Variants in CELSR1 observed in about 807,000 individuals in gnomAD.
CELSR1 encodes cadherin EGF LAG seven-pass G-type receptor 1, also known as adhesion G protein-coupled receptor C1.
Under a neutral mutation model 249.1 loss-of-function variants are expected in CELSR1, and 110 were observed. The observed-to-expected ratio is 0.44, with a 90% CI of 0.38 to 0.52. The LOEUF is 0.52. Among genes scored for constraint, CELSR1 ranks in the 20% least tolerant of loss-of-function variants. The pLI, the probability that CELSR1 is intolerant of heterozygous loss-of-function variation, is 0.00. For synonymous variants in CELSR1, 2,113 were observed against 1,900.0 expected, an observed-to-expected ratio of 1.11 and a Z score of -2.92; for missense variants, 4,109 against 4,296.4, an observed-to-expected ratio of 0.96 and a Z score of 1.22.
In CELSR1 at chr22:46,427,058, G is replaced by A. The variant is rs939693023; in HGVS notation, c.4611+6335C>T. Among the ~76,000 whole-genome samples, 1 of 152,156 alleles carries A rather than the reference G, an allele frequency of 6.6e-6. No homozygotes were observed. The highest frequency in any genetic ancestry group is 6.5e-5 in the Admixed American group (1 of 15,268). ...TCATGGCTTCCAATAGGGAGTGATA[G>A]ATAAATAGGAAAAAAAGATCAATAT... On this transcript the variant is annotated intron_variant, in intron 5 of 34. Transcript: ENST00000674500. This position sits in a 1 kb window ranked among gnomAD's most constrained non-coding sequence, Gnocchi z 4.2.
chr22:46,521,270 GAAGC>G (rs914317245), intron 1 of CELSR1, among the ~76,000 whole-genome samples: 23 of 152,234 alleles, frequency 1.5e-4, no homozygotes, highest in Admixed American at 1.0e-3. Flanking sequence ...TTGGGAAGCC[GAAGC>G]AAGAGGATCA....
Position 46,377,141 on chromosome 22 carries a change from T to C in CELSR1, c.7504A>G (p.Ser2502Gly). The change falls in exon 24 of 35, where the codon AGC becomes GGC. Residue 2502 changes from serine (S) to glycine (G), a missense_variant. By Grantham distance (56) the Ser-to-Gly change is moderately conservative. Coordinates refer to ENST00000674500, the MANE Select transcript of CELSR1 (RefSeq NM_001378328.1). ...LVRMLRSNLH[S>G]IHKHLAVALF... ...GCCACGGCGAGGTGCTTGTGAATGC[T>C]GTGCAGGTTGGAGCGCAGCATGCGG... 1 of 1,613,710 alleles carries C rather than the reference T, an allele frequency of 6.2e-7. No individual in the cohort carries two copies. The highest frequency in any genetic ancestry group is 8.5e-7 in the Non-Finnish European group (1 of 1,179,918).
At chr22:46,477,795 G>T (rs139894317) in intron 1 of CELSR1, among the ~76,000 whole-genome samples, 2 of 152,040 alleles carry the variant, frequency 1.3e-5, no homozygotes, top group African/African-American at 4.8e-5. Flanking sequence ...CTTGAGCCAC[G>T]GCACCTGGCC....
chr22:46,409,950 G>T lies in CELSR1; in HGVS notation c.4934-70C>A. 1 of 1,593,450 alleles carries T rather than the reference G, an allele frequency of 6.3e-7. No individual in the cohort carries two copies. Among genetic ancestry groups the T allele is most frequent in the Admixed American group, 1.7e-5 (1 of 59,688 alleles). ...CCCGGGGTCCCCGGCGCCAGACGTG[G>T]CGTGGGAAACCAGGACGGAATGGAC... On this transcript the variant is annotated intron_variant, in intron 7 of 34. Transcript: ENST00000674500. The surrounding 1 kb of genome is among the most constrained non-coding windows in gnomAD (Gnocchi z 9.8).
rs1021144575 is a variant in CELSR1, at chr22:46,376,379, C to G, written c.7584+682G>C. 2.6e-5 allele frequency among the ~76,000 whole-genome samples: 4 copies of G among 152,064 alleles called. No individual in the cohort carries two copies. The East Asian group carries it at 5.8e-4, about 22-fold the overall frequency. On this transcript the variant is annotated intron_variant, in intron 24 of 34. Transcript: ENST00000674500. ...TATTTAGTCTTTCTACATCTTAAATCATTTTGTTTTGTTTTGAGACAGTCT... is the reference window on the plus strand; with the variant it reads ...TATTTAGTCTTTCTACATCTTAAATGATTTTGTTTTGTTTTGAGACAGTCT...
At position 46,517,844 on chromosome 22, in the gene CELSR1, C is replaced by T. The variant is rs555623741; in HGVS notation, c.3544+15783G>A. On this transcript the variant is annotated intron_variant, in intron 1 of 34. Coordinates refer to ENST00000674500, the MANE Select transcript of CELSR1 (RefSeq NM_001378328.1). The surrounding 1 kb of genome is among the most constrained non-coding windows in gnomAD (Gnocchi z 5.4). ...GGGAGGGTGAGCTGTCATCTGAAAG[C>T]ACCCACCACCCTGTGTCCCCATATT... Among the ~76,000 whole-genome samples, 23 of 152,002 alleles carry T rather than the reference C, an allele frequency of 1.5e-4. No individual in the cohort carries two copies. The East Asian group carries it at 3.1e-3, about 20-fold the overall frequency.
chr22:46,365,798 C>G, intron 30 of CELSR1, 109 bp from the exon 31 acceptor site: 2 of 595,068 alleles, frequency 3.4e-6, no homozygotes, highest in Non-Finnish European at 5.1e-6. Context: ...TTCCCAACAA[C>G]AGCACAGACA....
chr22:46,476,849 GA>G (rs1467765093), intron 1 of CELSR1, among the ~76,000 whole-genome samples: 1 of 89,148 alleles, frequency 1.1e-5, no homozygotes, highest in Non-Finnish European at 2.7e-5. Context: ...GAACTGCACA[GA>G]AGGAGAGGTT....
chr22:46,466,297 T>TGCCCTGGAGCAGGGTG (rs1300556302), intron 1 of CELSR1, among the ~76,000 whole-genome samples: 1 of 152,200 alleles, frequency 6.6e-6, no homozygotes, highest in African/African-American at 2.4e-5. Flanking sequence ...TGCCCTGCCC[T>TGCCCTGGAGCAGGGTG]GCCCTGGAGC....
intron 20 of CELSR1, among the ~76,000 whole-genome samples, chr22:46,383,690 G>A (rs771204274): frequency 2.0e-5 from 3 of 151,734 alleles, no homozygotes; most frequent in Non-Finnish European, 4.4e-5. Flanking sequence ...CCATGCCCAG[G>A]TAATTAAAAA....
At chr22:46,507,338 G>T (rs1364452720) in intron 1 of CELSR1, among the ~76,000 whole-genome samples, 1 of 152,092 alleles carries the variant, frequency 6.6e-6, no homozygotes, top group African/African-American at 2.4e-5. Context: ...AAGTCGGGGG[G>T]GTAGCCAGGG....
chr22:46,462,914 A>C (rs1385668533), intron 2 of CELSR1: 1 of 468,722 alleles, frequency 2.1e-6, no homozygotes, highest in Non-Finnish European at 4.4e-6. Context: ...TGAGTCACGA[A>C]ATTTCTACGG....
At position 46,377,318 on chromosome 22, in the gene CELSR1, G is replaced by C. The variant is rs1193204041; in HGVS notation, c.7384-57C>G. The C allele has an allele frequency of 7.1e-6, 11 of 1,538,890 alleles. No individual in the cohort carries two copies. The South Asian group carries it at 1.0e-4, about 14-fold the overall frequency. The stretch of plus-strand genomic sequence containing the variant: ...AGGTAAGGGCCGAGGCTCAGATCTG[G>C]TCATTGCATAACAGAGATAAATTAC... On this transcript the variant is annotated intron_variant, in intron 23 of 34. Coordinates refer to ENST00000674500, the MANE Select transcript of CELSR1 (RefSeq NM_001378328.1).
At chr22:46,455,365 G>C (rs897874180) in intron 2 of CELSR1, among the ~76,000 whole-genome samples, 2 of 152,176 alleles carry the variant, frequency 1.3e-5, no homozygotes, top group Non-Finnish European at 2.9e-5. Flanking sequence ...AAGTAGCTGG[G>C]ATTACAGGTG....
rs143378964 is a variant in CELSR1, at chr22:46,363,710, C to A, written c.9035+286G>T. ...CCAGGCGGAGACAATGCTGATCAAACGCAGAGCCCAGCACCTTAGGTCCTA... is the reference window on the plus strand; with the variant it reads ...CCAGGCGGAGACAATGCTGATCAAAAGCAGAGCCCAGCACCTTAGGTCCTA... On this transcript the variant is annotated intron_variant, in intron 34 of 34. Transcript: ENST00000674500. The surrounding 1 kb of genome is among the most constrained non-coding windows in gnomAD (Gnocchi z 4.3). 2.5e-5 allele frequency: 12 copies of A among 476,314 alleles called. No individual in the cohort carries two copies. Among genetic ancestry groups the A allele is most frequent in the African/African-American group, 2.0e-4 (10 of 50,676 alleles). The allele number at this position is 476,314 out of a possible 1,614,324, so 29.5% of individuals were successfully genotyped here.
At chr22:46,421,896 G>A (rs1472990164) in intron 5 of CELSR1, among the ~76,000 whole-genome samples, 1 of 152,194 alleles carries the variant, frequency 6.6e-6, no homozygotes, top group Non-Finnish European at 1.5e-5. Context: ...CGGAACACCT[G>A]GGGAGCATCC....
chr22:46,430,074 G>A lies in CELSR1; in HGVS notation c.4611+3319C>T, dbSNP rs564911619. 3.9e-5 allele frequency among the ~76,000 whole-genome samples: 6 copies of A among 152,222 alleles called. No homozygotes were observed. The highest frequency in any genetic ancestry group is 5.9e-5 in the Non-Finnish European group (4 of 68,028). On this transcript the variant is annotated intron_variant, in intron 5 of 34. Coordinates refer to ENST00000674500, the MANE Select transcript of CELSR1 (RefSeq NM_001378328.1). This position sits in a 1 kb window ranked among gnomAD's most constrained non-coding sequence, Gnocchi z 4.6. ...GGAAGGGTCCCCGCAGGTTGCACGT[G>A]GAGGCAGTGCAGGAGGCCACTCTGA...
chr22:46,371,349 C>G (rs372725021), intron 25 of CELSR1, among the ~76,000 whole-genome samples: 2 of 152,156 alleles, frequency 1.3e-5, no homozygotes, highest in Non-Finnish European at 2.9e-5. Context: ...AACACCCCCC[C>G]ACCCCAGTGC....
At chr22:46,450,403 C>A (rs886560159) in intron 2 of CELSR1, among the ~76,000 whole-genome samples, 1 of 152,256 alleles carries the variant, frequency 6.6e-6, no homozygotes, top group Admixed American at 6.5e-5. Context: ...CCTGGGTATC[C>A]CCAGGTTCAC....
Sources: allele counts gnomAD v4.1 joint callset (sites outside exome capture counted in the v4.1 genomes callset), GRCh38; gene constraint gnomAD v4.1.1; non-coding constraint Gnocchi (gnomAD v3.1); transcripts MANE v1.5; gene names NCBI Gene and HGNC (gene_info 2026-07-23, HGNC 2026-07-21).